The following GUCY1A2 variants were observed in gnomAD, a reference collection of about 807,000 sequenced individuals.
GUCY1A2 encodes the protein guanylate cyclase 1 soluble subunit alpha 2, also known as guanylate cyclase soluble subunit alpha-2.
In GUCY1A2, 27 loss-of-function variants were observed where a neutral mutation model predicts 63.5. The ratio of observed to expected loss-of-function variants is 0.43; its 90% confidence interval spans 0.31 to 0.59. GUCY1A2 has a LOEUF of 0.59. GUCY1A2 is among the 20% of genes least tolerant of loss of function. The pLI is 0.11. For missense variants in GUCY1A2, 768 were observed against 913.3 expected, an observed-to-expected ratio of 0.84 and a Z score of 2.05; for synonymous variants, 364 against 343.5, an observed-to-expected ratio of 1.06 and a Z score of -0.66.
At chr11:106,776,764 A>G (rs1449428176) in intron 5 of GUCY1A2, among the ~76,000 whole-genome samples, 182 bp from the exon 6 acceptor site, 1 of 152,250 alleles carries the variant, frequency 6.6e-6, no homozygotes, top group Non-Finnish European at 1.5e-5. Context: ...AAATACTGAC[A>G]TCTCACTCCA....
At chr11:106,892,399 T>C (rs1217336408) in intron 4 of GUCY1A2, among the ~76,000 whole-genome samples, 1 of 152,160 alleles carries the variant, frequency 6.6e-6, no homozygotes, top group Non-Finnish European at 1.5e-5. Flanking sequence ...AATTGAACTT[T>C]TGTAATAATT....
At chr11:106,805,302 G>A (rs569161717) in intron 5 of GUCY1A2, among the ~76,000 whole-genome samples, 27 of 150,714 alleles carry the variant, frequency 1.8e-4, no homozygotes, top group African/African-American at 6.4e-4. Flanking sequence ...CTGGAATGCA[G>A]TGGCGTGATC....
rs1028354520 is a variant in GUCY1A2 at position 106,679,952 on chromosome 11, G to T, written c.*7597C>A. The T allele has an allele frequency of 1.3e-4, 29 of 217,008 alleles. No individual in the cohort carries two copies. The allele number at this position is 217,008 out of a possible 1,614,324, so 13.4% of individuals were successfully genotyped here. A position where few individuals can be genotyped will look rare whatever the true frequency, so the allele number is the denominator to read the frequency against. ...GGAAAACTAAAAATGGCTTGTGAAG[G>T]GTTTCTCTTTTTTTGTCTTTCTCTT... is the stretch of plus-strand genomic sequence containing the variant. On this transcript the variant is annotated 3_prime_UTR_variant, in exon 8 of 8. Transcript: ENST00000526355.
intron 4 of GUCY1A2, among the ~76,000 whole-genome samples, chr11:106,851,434 T>C (rs1446288510): frequency 6.6e-6 from 1 of 151,986 alleles, no homozygotes; most frequent in Non-Finnish European, 1.5e-5. Context: ...CAAACACTAA[T>C]GTCCTGAAGT....
intron 7 of GUCY1A2, among the ~76,000 whole-genome samples, chr11:106,692,967 T>C (rs1862651839): frequency 6.6e-6 from 1 of 152,214 alleles, no homozygotes; most frequent in Non-Finnish European, 1.5e-5. Context: ...TCTGCACGTT[T>C]GAAATCACTG....
chr11:106,863,460 G>T (rs960241781), intron 4 of GUCY1A2, among the ~76,000 whole-genome samples: 6 of 152,054 alleles, frequency 3.9e-5, no homozygotes, highest in Non-Finnish European at 8.8e-5. Flanking sequence ...GATGTGTGGT[G>T]TTATTTCTGA....
chr11:106,877,162 T>C (rs2135468475), intron 4 of GUCY1A2, among the ~76,000 whole-genome samples: 1 of 152,182 alleles, frequency 6.6e-6, no homozygotes, highest in Middle Eastern at 3.4e-3. Flanking sequence ...GATTTTTGAA[T>C]GTTGATTTTG....
chr11:107,016,226 C>T (rs755630647), intron 1 of GUCY1A2, among the ~76,000 whole-genome samples: 54 of 152,146 alleles, frequency 3.5e-4, no homozygotes, highest in Non-Finnish European at 6.9e-4. Flanking sequence ...AGATTCATTT[C>T]GGAAACTTTA....
At chr11:106,984,931 G>A (rs1032243464) in intron 2 of GUCY1A2, among the ~76,000 whole-genome samples, 1 of 152,066 alleles carries the variant, frequency 6.6e-6, no homozygotes, top group Non-Finnish European at 1.5e-5. Flanking sequence ...CTACACTCTT[G>A]AGGATAAGTA....
intron 7 of GUCY1A2, among the ~76,000 whole-genome samples, chr11:106,690,247 A>G (rs1862599221): frequency 2.0e-5 from 3 of 152,228 alleles, no homozygotes; most frequent in Non-Finnish European, 4.4e-5. Context: ...ACTATTCACA[A>G]TAGCAAAGAC....
chr11:106,784,685 T>C (rs534795221), intron 5 of GUCY1A2, among the ~76,000 whole-genome samples: 2 of 152,328 alleles, frequency 1.3e-5, no homozygotes, highest in South Asian at 4.1e-4. Flanking sequence ...TAAGATTTTT[T>C]TTAGTTTCTG....
chr11:106,719,942 T>C (rs1190149648), intron 6 of GUCY1A2, among the ~76,000 whole-genome samples: 2 of 152,262 alleles, frequency 1.3e-5, no homozygotes, highest in Non-Finnish European at 2.9e-5. Context: ...GCCAGCATTC[T>C]ATAAATTCCT....
intron 4 of GUCY1A2, among the ~76,000 whole-genome samples, chr11:106,879,056 T>A (rs553785521): frequency 1.3e-4 from 20 of 152,262 alleles, no homozygotes; most frequent in African/African-American, 4.8e-4. Flanking sequence ...AAGGCTTCTA[T>A]GACCTATTCC....
intron 4 of GUCY1A2, among the ~76,000 whole-genome samples, chr11:106,928,984 G>A (rs1860566400): frequency 6.6e-6 from 1 of 152,198 alleles, no homozygotes; most frequent in Admixed American, 6.5e-5. Context: ...TAAACAGAAT[G>A]AAGGGTTCTG....
At chr11:106,958,759 T>G (rs746363969) in intron 3 of GUCY1A2, among the ~76,000 whole-genome samples, 9 of 152,222 alleles carry the variant, frequency 5.9e-5, no homozygotes, top group Non-Finnish European at 1.3e-4. Flanking sequence ...GAGAAACTTT[T>G]ATGCCAGGAT....
At chr11:106,734,746 T>C (rs1360620493) in intron 6 of GUCY1A2, among the ~76,000 whole-genome samples, 2 of 152,182 alleles carry the variant, frequency 1.3e-5, no homozygotes, top group Non-Finnish European at 2.9e-5. Context: ...ACCTGTTTCA[T>C]TCTCTGGGAC....
At chr11:106,988,351 A>C (rs1246722194) in intron 1 of GUCY1A2, among the ~76,000 whole-genome samples, 1 of 152,210 alleles carries the variant, frequency 6.6e-6, no homozygotes, top group Non-Finnish European at 1.5e-5. Flanking sequence ...AAGGCAGTGG[A>C]TATCCACAGA....
intron 4 of GUCY1A2, among the ~76,000 whole-genome samples, chr11:106,906,749 T>C (rs917616116): frequency 3.9e-5 from 6 of 152,164 alleles, no homozygotes; most frequent in Admixed American, 6.5e-5. Context: ...TGGAATACTA[T>C]GCAGCCATAA....
chr11:106,942,887 A>G (rs1197669140), intron 3 of GUCY1A2, among the ~76,000 whole-genome samples: 1 of 152,168 alleles, frequency 6.6e-6, no homozygotes, highest in Non-Finnish European at 1.5e-5. Flanking sequence ...AATATTGTTA[A>G]TTTTCAAATG....
Sources: allele counts gnomAD v4.1 joint callset (sites outside exome capture counted in the v4.1 genomes callset), GRCh38; gene constraint gnomAD v4.1.1; transcripts MANE v1.5; gene names NCBI Gene and HGNC (gene_info 2026-07-23, HGNC 2026-07-21).